NEB: variants seen among roughly 807,000 people sequenced by gnomAD.
NEB encodes the protein nemaline myopathy type 2.
In NEB, 512 loss-of-function variants were observed where a neutral mutation model predicts 952.2. The observed-to-expected ratio is 0.54, with a 90% confidence interval of 0.50 to 0.58. NEB has a LOEUF of 0.58. Among genes scored for constraint, NEB ranks in the 20% least tolerant of loss-of-function variants. The probability of loss-of-function intolerance (pLI) is 0.00; values close to 1 mark genes in which losing one functional copy is unlikely to be tolerated. For missense variants in NEB, 8,428 were observed against 9,231.1 expected (o/e 0.91, Z 3.56); for synonymous variants, 2,900 against 3,149.8 (o/e 0.92, Z 2.66).
intron 145 of NEB, among the ~76,000 whole-genome samples, chr2:151,530,181 A>G (rs1254093388): frequency 6.6e-6 from 1 of 152,188 alleles, no homozygotes; most frequent in Non-Finnish European, 1.5e-5. Context: ...GAATACAGCA[A>G]TCATTCTGCC....
Position 151,702,547 on chromosome 2 carries a change from T to C in NEB, c.1152+4334A>G, listed in dbSNP as rs1296648459. Among the ~76,000 whole-genome samples the C allele has an allele frequency of 1.0e-3, 153 of 151,946 alleles. 2 individuals carry two copies. The highest frequency in any genetic ancestry group is 3.4e-3 in the Middle Eastern group (1 of 292). On this transcript the variant is annotated intron_variant, in intron 13 of 181. Transcript: ENST00000397345. ...AGGACTTGCTTTATGAATCTGGGTGTTCCTGTATTGGGTGCATATATATTT... is the reference window on the plus strand; with the variant it reads ...AGGACTTGCTTTATGAATCTGGGTGCTCCTGTATTGGGTGCATATATATTT...
intron 1 of NEB, among the ~76,000 whole-genome samples, chr2:151,734,029 T>C (rs2099815488): frequency 6.6e-6 from 1 of 152,154 alleles, no homozygotes; most frequent in Non-Finnish European, 1.5e-5. Context: ...TTTGTTAAGC[T>C]AGCGAAACTG....
In NEB at chr2:151,655,365, T is replaced by C. The variant is rs1471804086; in HGVS notation, c.6712A>G (p.Thr2238Ala). 2 of 1,564,186 alleles carry C rather than the reference T, an allele frequency of 1.3e-6. No individual in the cohort carries two copies. The highest frequency in any genetic ancestry group is 1.7e-6 in the Non-Finnish European group (2 of 1,148,420). Residue 2238 changes from threonine to alanine, a missense_variant, in exon 51 of 182, where the codon ACC becomes GCC. Around this residue, in one of 11 missense-constraint regions of NEB, gnomAD observed 2,851 missense variants for 2,791.5 expected, o/e 1.02. Transcript: ENST00000397345. ...NAHTMNKHLY[T>A]IDWNKDKTKI... ...GTCTTATCTTTATTCCAATCAATGGTGTATAAATGCTAGGAAGTGGGAAAA... is the reference window on the plus strand; with the variant it reads ...GTCTTATCTTTATTCCAATCAATGGCGTATAAATGCTAGGAAGTGGGAAAA...
chr2:151,687,471 T>C lies in NEB; in HGVS notation c.2585A>G (p.Asn862Ser), dbSNP rs1460403756. The part of the protein sequence containing the change: ...KGKMIGALSI[N>S]DDPKMLHSLK... ...GGAGTGCAGCATCTTTGGATCGTCATTAATGCTGAGGGCTCCAATCATTTT... is the reference window on the plus strand; with the variant it reads ...GGAGTGCAGCATCTTTGGATCGTCACTAATGCTGAGGGCTCCAATCATTTT... Residue 862 changes from asparagine (N) to serine (S), a missense_variant, in exon 27 of 182, where the codon AAT (asparagine) becomes AGT (serine). By Grantham distance (46) the Asn-to-Ser change is conservative. Coordinates refer to ENST00000397345, the MANE Select transcript of NEB (RefSeq NM_001164508.2). 8.1e-6 allele frequency: 13 copies of C among 1,614,054 alleles called. No homozygotes were observed. The highest frequency in any genetic ancestry group is 1.1e-5 in the Non-Finnish European group (13 of 1,179,886).
intron 69 of NEB, 59 bp downstream of exon 69, chr2:151,627,464 C>A: frequency 6.3e-7 from 1 of 1,579,874 alleles, no homozygotes; most frequent in Non-Finnish European, 8.7e-7. Flanking sequence ...AGACCACTGT[C>A]TCAGTATTTC....
chr2:151,679,074 A>G (rs1479475462), intron 32 of NEB, among the ~76,000 whole-genome samples: 1 of 152,148 alleles, frequency 6.6e-6, no homozygotes, highest in African/African-American at 2.4e-5. Flanking sequence ...GCCAGCCAGG[A>G]GCCAGAGGTA....
At chr2:151,536,150 C>T (rs1247986339) in intron 141 of NEB, among the ~76,000 whole-genome samples, 1 of 152,158 alleles carries the variant, frequency 6.6e-6, no homozygotes, top group African/African-American at 2.4e-5. Context: ...TCAGGCTATC[C>T]GCCTGCCTTG....
At chr2:151,537,767 C>A in intron 140 of NEB, 105 bp downstream of exon 140, 1 of 726,258 alleles carries the variant, frequency 1.4e-6, no homozygotes. Context: ...CACACAAAAT[C>A]TAAAATCTAG....
chr2:151,550,231 C>T (rs2095208022), intron 129 of NEB, among the ~76,000 whole-genome samples: 1 of 133,104 alleles, frequency 7.5e-6, no homozygotes, highest in Non-Finnish European at 1.5e-5. Context: ...TGCACCGTTG[C>T]ACTCCAGCCT....
chr2:151,499,315 G>C lies in NEB; in HGVS notation c.24097C>G (p.Gln8033Glu). ...TPEMERVKHN[Q>E]ENFSSVLYKE... ...TTAAATACCGAACTAAAGTTTTCTT[G>C]ATTGTGTTTGACTCTCTCCATCTCT... Residue 8033 changes from glutamine to glutamate, a missense_variant, in exon 169 of 182, where the codon CAA becomes GAA. Coordinates refer to ENST00000397345, the MANE Select transcript of NEB (RefSeq NM_001164508.2). 2.0e-6 allele frequency: 3 copies of C among 1,520,272 alleles called. No individual in the cohort carries two copies. Among genetic ancestry groups the C allele is most frequent in the South Asian group, 2.6e-5 (2 of 78,412 alleles). 94.2% of individuals were successfully genotyped at this position (1,520,272 alleles called of 1,614,324 possible).
intron 88 of NEB, among the ~76,000 whole-genome samples, chr2:151,601,473 C>A (rs1399756099): frequency 1.8e-5 from 2 of 109,850 alleles, no homozygotes; most frequent in Admixed American, 9.5e-5. Flanking sequence ...ACCCTATCTA[C>A]GTGGAAAAAA....
At chr2:151,647,155 T>C (rs1375104059) in intron 54 of NEB, among the ~76,000 whole-genome samples, 2 of 151,576 alleles carry the variant, frequency 1.3e-5, no homozygotes, top group East Asian at 3.9e-4. Flanking sequence ...TTGTTGCCCA[T>C]GCTGGAGTGC....
intron 105 of NEB, among the ~76,000 whole-genome samples, chr2:151,577,626 G>C (rs1053022973): frequency 6.6e-6 from 1 of 152,154 alleles, no homozygotes; most frequent in Non-Finnish European, 1.5e-5. Flanking sequence ...TGCCACCCAG[G>C]CTGGAGTGCA....
In NEB at chr2:151,658,024, G is replaced by T. The variant is rs755957294; in HGVS notation, c.6142C>A (p.Pro2048Thr). 8.1e-6 allele frequency: 13 copies of T among 1,611,298 alleles called. 1 individual carries two copies. The South Asian group carries it at 1.3e-4, about 16-fold the overall frequency. ...KGYDLRPDAIPIKAAKASRDI... is the reference protein window; with the variant it reads ...KGYDLRPDAITIKAAKASRDI... The stretch of plus-strand genomic sequence containing the variant: ...CTGGAAGCCTTGGCAGCTTTGATAG[G>T]AATTGCATCAGGTCTGAGATCATAG... The change falls in exon 48 of 182, where the codon CCT (proline) becomes ACT (threonine). Residue 2048 changes from proline to threonine, a missense_variant. This residue lies in a region of NEB where 2,851 missense variants were observed against 2,791.5 expected (regional missense o/e 1.02). Coordinates refer to ENST00000397345, the MANE Select transcript of NEB (RefSeq NM_001164508.2).
At chr2:151,711,834 C>T (rs1275190342) in intron 10 of NEB, among the ~76,000 whole-genome samples, 2 of 152,182 alleles carry the variant, frequency 1.3e-5, no homozygotes, top group South Asian at 2.1e-4. Flanking sequence ...ATCATCATAA[C>T]AGAAAGAAAC....
chr2:151,497,142 A>C, intron 171 of NEB, 109 bp from the exon 172 acceptor site: 5 of 1,369,594 alleles, frequency 3.7e-6, no homozygotes, highest in Non-Finnish European at 5.0e-6. Flanking sequence ...ACAGTTGTCC[A>C]AGGAGCCAGA....
Position 151,669,074 on chromosome 2 carries a change from A to C in NEB, c.4564T>G (p.Leu1522Val), listed in dbSNP as rs1173144824. The change falls in exon 39 of 182, where the codon TTG becomes GTG. Residue 1522 changes from leucine to valine, a missense_variant. Coordinates refer to ENST00000397345, the MANE Select transcript of NEB (RefSeq NM_001164508.2). ...LKHKYTIDPE[L>V]PQFIQAKVNA... ...ACTTTGGCTTGAATAAACTGAGGCAATTCAGGGTCAATAGTATACTTGTGC... is the reference window on the plus strand; with the variant it reads ...ACTTTGGCTTGAATAAACTGAGGCACTTCAGGGTCAATAGTATACTTGTGC... The C allele has an allele frequency of 6.3e-7, 1 of 1,596,648 alleles. No individual in the cohort carries two copies. Among genetic ancestry groups the C allele is most frequent in the South Asian group, 1.1e-5 (1 of 87,874 alleles).
At chr2:151,641,756 GT>G (rs1017117752) in intron 60 of NEB, among the ~76,000 whole-genome samples, 20 of 151,974 alleles carry the variant, frequency 1.3e-4, no homozygotes, top group Non-Finnish European at 2.1e-4. Context: ...AAAATCTAGA[GT>G]TTTTTTTATT....
chr2:151,492,397 T>C lies in NEB; in HGVS notation c.24863A>G (p.His8288Arg), dbSNP rs1198673114. The change falls in exon 177 of 182, where the codon CAC becomes CGC. Residue 8288 changes from histidine to arginine, a missense_variant. His to Arg is a conservative substitution (Grantham distance 29). Transcript: ENST00000397345. ...GAATTCCTGACTCACCGTTGAGATGTGCCGTTGGGTCTCCCTCACCCGTCT... is the reference window on the plus strand; with the variant it reads ...GAATTCCTGACTCACCGTTGAGATGCGCCGTTGGGTCTCCCTCACCCGTCT... Reference protein sequence around the residue: ...EMRRVRETQRHISTVKYHEDF... With the variant: ...EMRRVRETQRRISTVKYHEDF... The C allele has an allele frequency of 1.9e-6, 3 of 1,603,250 alleles. No individual in the cohort carries two copies. The highest frequency in any genetic ancestry group is 2.7e-5 in the African/African-American group (2 of 74,344).
Sources: allele counts gnomAD v4.1 joint callset (sites outside exome capture counted in the v4.1 genomes callset), GRCh38; gene constraint gnomAD v4.1.1; regional missense constraint gnomAD v4.1.1; transcripts MANE v1.5; gene names NCBI Gene and HGNC (gene_info 2026-07-23, HGNC 2026-07-21).